WWOX: variants seen among roughly 807,000 people sequenced by gnomAD.
WWOX encodes WW domain containing oxidoreductase, also known as WW domain-containing oxidoreductase.
WWOX carries 69 observed loss-of-function variants against 46.2 expected under a neutral mutation model. The observed-to-expected ratio is 1.49, with a 90% CI of 1.23 to 1.82. The LOEUF is 1.82. WWOX is among the 40% of genes most tolerant of loss of function. The pLI is 0.00. For missense variants in WWOX, 919 were observed against 542.6 expected, an observed-to-expected ratio of 1.69 and a Z score of -6.89; for synonymous variants, 359 against 202.6, an observed-to-expected ratio of 1.77 and a Z score of -6.56.
At chr16:78,962,328 A>ATTT (rs2046286804) in intron 8 of WWOX, among the ~76,000 whole-genome samples, 786 of 25,554 alleles carry the variant, frequency 0.031, 12 homozygotes, top group African/African-American at 0.13. Flanking sequence ...TTTTTTTTTA[A>ATTT]AAAAAAAAAA....
intron 5 of WWOX, among the ~76,000 whole-genome samples, chr16:78,202,386 A>C (rs2036258062): frequency 6.6e-6 from 1 of 152,220 alleles, no homozygotes; most frequent in South Asian, 2.1e-4. Flanking sequence ...GTAGCTGGTC[A>C]GGTTTCTTAA....
intron 8 of WWOX, among the ~76,000 whole-genome samples, chr16:78,742,210 G>C (rs2049245746): frequency 6.6e-6 from 1 of 152,262 alleles, no homozygotes; most frequent in Middle Eastern, 3.4e-3. Flanking sequence ...CAAATACTAG[G>C]GGTGAGTGTG....
intron 5 of WWOX, among the ~76,000 whole-genome samples, chr16:78,345,915 C>A (rs1166577843): frequency 8.4e-6 from 1 of 118,820 alleles, no homozygotes; most frequent in Non-Finnish European, 2.0e-5. Flanking sequence ...ATATACAATT[C>A]AATGAGTTTT....
At chr16:78,879,194 T>C (rs1263352619) in intron 8 of WWOX, among the ~76,000 whole-genome samples, 1 of 152,150 alleles carries the variant, frequency 6.6e-6, no homozygotes, top group Non-Finnish European at 1.5e-5. Flanking sequence ...TTCACGGTCA[T>C]AGACCTCAGT....
intron 8 of WWOX, among the ~76,000 whole-genome samples, chr16:78,626,142 T>A (rs2046306084): frequency 6.6e-6 from 1 of 151,966 alleles, no homozygotes; most frequent in Non-Finnish European, 1.5e-5. Flanking sequence ...ATTTTTTTTT[T>A]CTTTTTGAGA....
At chr16:78,781,268 T>C (rs531237362) in intron 8 of WWOX, among the ~76,000 whole-genome samples, 6 of 152,106 alleles carry the variant, frequency 3.9e-5, no homozygotes, top group Non-Finnish European at 7.4e-5. Flanking sequence ...CAGCTATAAA[T>C]AGAGCTATTT....
intron 5 of WWOX, among the ~76,000 whole-genome samples, chr16:78,384,690 T>A (rs1373634630): frequency 6.6e-6 from 1 of 152,152 alleles, no homozygotes; most frequent in African/African-American, 2.4e-5. Flanking sequence ...TTCATGTTTC[T>A]CCTCCTCGTT....
intron 5 of WWOX, among the ~76,000 whole-genome samples, chr16:78,314,701 G>GTTTTTTTTTTTT (rs920575863): frequency 1.1e-3 from 69 of 61,290 alleles, no homozygotes; most frequent in African/African-American, 1.4e-3. Flanking sequence ...TTTTTTTTTT[G>GTTTTTTTTTTTT]TTTTTTTTTT....
intron 6 of WWOX, among the ~76,000 whole-genome samples, chr16:78,387,878 C>T (rs550541483): frequency 6.6e-6 from 1 of 152,182 alleles, no homozygotes; most frequent in East Asian, 1.9e-4. Context: ...GCACCAGAAC[C>T]ACTGAATGTG....
chr16:78,632,042 T>C (rs974551153), intron 8 of WWOX, among the ~76,000 whole-genome samples: 1 of 151,776 alleles, frequency 6.6e-6, no homozygotes, highest in Non-Finnish European at 1.5e-5. Context: ...TTAAAAAAAA[T>C]AAAAGTCTTC....
At chr16:78,754,308 A>G (rs1341032217) in intron 8 of WWOX, among the ~76,000 whole-genome samples, 1 of 152,144 alleles carries the variant, frequency 6.6e-6, no homozygotes, top group Non-Finnish European at 1.5e-5. Context: ...GGAAGAAGGC[A>G]TTCAGGCTGA....
In WWOX at chr16:78,639,254, G is replaced by C. The variant is rs981805638; in HGVS notation, c.1056+206502G>C. Among the ~76,000 whole-genome samples the C allele has an allele frequency of 2.6e-5, 4 of 152,180 alleles. 1 individual carries two copies. In the South Asian group the frequency reaches 6.2e-4, roughly 24 times the overall value. On this transcript the variant is annotated intron_variant, in intron 8 of 8. Transcript: ENST00000566780. ...GGCCCAGGCATCAATGACACATGCA[G>C]TGTGGGCCCAGGCATCGATGACACA...
At chr16:78,458,671 A>C (rs576618315) in intron 8 of WWOX, among the ~76,000 whole-genome samples, 5 of 136,884 alleles carry the variant, frequency 3.7e-5, no homozygotes, top group Admixed American at 6.9e-5. Flanking sequence ...AATATAAATT[A>C]ATTTTTTAGC....
chr16:78,937,802 T>C (rs2045772711), intron 8 of WWOX, among the ~76,000 whole-genome samples: 1 of 151,928 alleles, frequency 6.6e-6, no homozygotes, highest in Non-Finnish European at 1.5e-5. Context: ...CTTTTGTTTC[T>C]TTTTAAATAG....
At chr16:79,010,494 C>A (rs769024192) in intron 8 of WWOX, among the ~76,000 whole-genome samples, 5 of 152,108 alleles carry the variant, frequency 3.3e-5, no homozygotes, top group Non-Finnish European at 7.4e-5. Flanking sequence ...AGCTCCAGGC[C>A]CTGGGGATCC....
At chr16:78,617,402 CAAAAA>C (rs33977792) in intron 8 of WWOX, among the ~76,000 whole-genome samples, 16 of 134,288 alleles carry the variant, frequency 1.2e-4, no homozygotes, top group Admixed American at 3.8e-4. Context: ...ACCTTGTATC[CAAAAA>C]AAAAAAAAAA....
chr16:78,860,193 C>T (rs1458697242), intron 8 of WWOX, among the ~76,000 whole-genome samples: 1 of 152,076 alleles, frequency 6.6e-6, no homozygotes, highest in African/African-American at 2.4e-5. Flanking sequence ...GAAATTTTAC[C>T]AAATATTTAC....
intron 8 of WWOX, among the ~76,000 whole-genome samples, chr16:79,134,173 ATT>A (rs5818203): frequency 6.6e-6 from 1 of 151,254 alleles, no homozygotes; most frequent in Non-Finnish European, 1.5e-5. Flanking sequence ...TTATCTTATG[ATT>A]TTTTTTTCTC....
At chr16:78,910,466 G>T (rs1227477250) in intron 8 of WWOX, among the ~76,000 whole-genome samples, 1 of 151,366 alleles carries the variant, frequency 6.6e-6, no homozygotes, top group Non-Finnish European at 1.5e-5. Context: ...TATTAGAACA[G>T]TGTGGTGTTT....
Sources: gnomAD v4.1 joint callset for allele counts (sites outside exome capture counted in the v4.1 genomes callset) on GRCh38, gnomAD v4.1.1 for gene constraint, MANE v1.5 for transcripts, NCBI Gene and HGNC (gene_info 2026-07-23, HGNC 2026-07-21) for gene names.